The following RBFOX1 variants were observed in gnomAD, a reference collection of about 807,000 sequenced individuals.
RBFOX1 encodes RNA binding protein fox-1 homolog 1.
RBFOX1 carries 8 observed loss-of-function variants against 57.7 expected under a neutral mutation model. The ratio of observed to expected loss-of-function variants is 0.14; its 90% CI spans 0.08 to 0.25. The LOEUF is 0.25. Ranked by LOEUF, RBFOX1 falls within the 10% of genes least tolerant of loss-of-function variation. RBFOX1 has a pLI of 1.00. For missense variants in RBFOX1, 611 were observed against 548.5 expected (o/e 1.11, Z -1.14); for synonymous variants, 326 against 222.4 (o/e 1.47, Z -4.15).
chr16:5,387,898 C>T (rs568860264), intron 1 of RBFOX1, among the ~76,000 whole-genome samples: 96 of 152,276 alleles, frequency 6.3e-4, no homozygotes, highest in Non-Finnish European at 9.8e-4. Flanking sequence ...AGGCAGACAG[C>T]AGGCTCAGAA....
intron 3 of RBFOX1, among the ~76,000 whole-genome samples, chr16:5,620,411 G>A (rs73527632): frequency 0.071 from 10,738 of 152,140 alleles, 992 homozygotes; most frequent in African/African-American, 0.21. Context: ...TCAGTGCTGC[G>A]TTGGTTGGCT....
intron 4 of RBFOX1, among the ~76,000 whole-genome samples, chr16:7,357,448 G>C (rs2097238291): frequency 6.6e-6 from 1 of 152,142 alleles, no homozygotes; most frequent in Non-Finnish European, 1.5e-5. Context: ...GAACCATCCA[G>C]GTTTTTTCCA....
chr16:7,597,633 C>A (rs2094775811), intron 9 of RBFOX1, among the ~76,000 whole-genome samples: 1 of 152,186 alleles, frequency 6.6e-6, no homozygotes, highest in African/African-American at 2.4e-5. Flanking sequence ...GTTAAGTGTG[C>A]CTGCCCTTCT....
chr16:6,282,279 T>C (rs1452018309), intron 1 of RBFOX1, among the ~76,000 whole-genome samples: 1 of 151,918 alleles, frequency 6.6e-6, no homozygotes, highest in African/African-American at 2.4e-5. Context: ...CAAGGTAATT[T>C]TTGTCTCCTT....
intron 3 of RBFOX1, among the ~76,000 whole-genome samples, chr16:6,842,831 C>G (rs1377687439): frequency 2.0e-5 from 3 of 151,914 alleles, no homozygotes; most frequent in African/African-American, 7.3e-5. Flanking sequence ...TTCCCCCAAC[C>G]CCCTGACAGG....
intron 4 of RBFOX1, among the ~76,000 whole-genome samples, chr16:7,504,786 TTTATA>T: frequency 5.1e-5 from 1 of 19,704 alleles, no homozygotes; most frequent in East Asian, 5.0e-4. Context: ...TATATATATA[TTTATA>T]TATATATATA....
chr16:6,402,309 T>C (rs968101616), intron 2 of RBFOX1, among the ~76,000 whole-genome samples: 1 of 152,132 alleles, frequency 6.6e-6, no homozygotes, highest in Non-Finnish European at 1.5e-5. Flanking sequence ...GCGACCATAG[T>C]AGAGAACTGA....
intron 4 of RBFOX1, among the ~76,000 whole-genome samples, chr16:7,437,633 T>C (rs1336795684): frequency 6.6e-6 from 1 of 152,110 alleles, no homozygotes; most frequent in Non-Finnish European, 1.5e-5. Flanking sequence ...AGGCTGTAAT[T>C]AGAATAAGTC....
chr16:6,416,496 A>G (rs1488576209), intron 2 of RBFOX1, among the ~76,000 whole-genome samples: 1 of 150,678 alleles, frequency 6.6e-6, no homozygotes, highest in South Asian at 2.1e-4. Context: ...TTTTCGTTCC[A>G]TTTTTCTTTT....
chr16:6,693,059 A>G (rs972890348), intron 3 of RBFOX1, among the ~76,000 whole-genome samples: 4 of 150,986 alleles, frequency 2.6e-5, no homozygotes, highest in African/African-American at 7.3e-5. Context: ...CACCATCATT[A>G]TCACCATCAT....
intron 3 of RBFOX1, among the ~76,000 whole-genome samples, chr16:5,777,424 T>C (rs75830981): frequency 0.036 from 5,553 of 152,290 alleles, 312 homozygotes; most frequent in African/African-American, 0.12. Context: ...TCTTTTGCTA[T>C]AGAAGGCACA....
chr16:7,707,498 G>T (rs1227940258), intron 14 of RBFOX1, among the ~76,000 whole-genome samples: 1 of 152,142 alleles, frequency 6.6e-6, no homozygotes, highest in African/African-American at 2.4e-5. Flanking sequence ...TCTTCCACCA[G>T]CCTTGTTCCT....
At chr16:5,392,721 G>A (rs1301453540) in intron 1 of RBFOX1, among the ~76,000 whole-genome samples, 1 of 151,930 alleles carries the variant, frequency 6.6e-6, no homozygotes, top group African/African-American at 2.4e-5. Flanking sequence ...AGAAACAAAT[G>A]CAGATGTAGA....
chr16:5,566,419 G>A (rs1279304448), intron 2 of RBFOX1, among the ~76,000 whole-genome samples: 1 of 152,112 alleles, frequency 6.6e-6, no homozygotes, highest in Non-Finnish European at 1.5e-5. Context: ...GACCGTAGAT[G>A]GATGGTTGGA....
At chr16:6,782,709 C>T (rs1026002615) in intron 3 of RBFOX1, among the ~76,000 whole-genome samples, 3 of 152,132 alleles carry the variant, frequency 2.0e-5, no homozygotes, top group African/African-American at 4.8e-5. Flanking sequence ...ATTCAGCTAT[C>T]GAATGAAATG....
chr16:5,505,564 C>T (rs1269514029), intron 2 of RBFOX1, among the ~76,000 whole-genome samples: 3 of 152,144 alleles, frequency 2.0e-5, no homozygotes, highest in African/African-American at 7.2e-5. Flanking sequence ...TCACAGTGGT[C>T]TGGTTTTTGG....
At chr16:5,603,804 T>C (rs751098591), downstream of RBFOX1, among the ~76,000 whole-genome samples, 1 of 152,192 alleles carries the variant, frequency 6.6e-6, no homozygotes, top group Non-Finnish European at 1.5e-5. Context: ...CTGAGAAACT[T>C]GCAGGTACAT....
intron 11 of RBFOX1, among the ~76,000 whole-genome samples, chr16:7,641,708 T>C (rs1234686757): frequency 6.6e-6 from 1 of 152,208 alleles, no homozygotes; most frequent in African/African-American, 2.4e-5. Context: ...AGCATTTTTC[T>C]TGAGCTACAG....
rs555563509 is a variant in RBFOX1, at chr16:5,340,962, C to T, written c.219+100857C>T. Among the ~76,000 whole-genome samples the T allele has an allele frequency of 7.9e-5, 12 of 152,170 alleles. No homozygotes were observed. In the South Asian group the frequency reaches 1.0e-3, roughly 13 times the overall value. ...AAAAGGGGTTCGGGGAAGTCTTCCT[C>T]AAAAAGATGACATTTAAGCAGTGAC... On this transcript the variant is annotated intron_variant, in intron 1 of 2. Coordinates refer to the RBFOX1 transcript ENST00000585867.
Sources: gnomAD v4.1 joint callset for allele counts (sites outside exome capture counted in the v4.1 genomes callset) on GRCh38, gnomAD v4.1.1 for gene constraint, MANE v1.5 for transcripts, NCBI Gene and HGNC (gene_info 2026-07-23, HGNC 2026-07-21) for gene names.